The following CADPS2 variants were observed in gnomAD, a reference collection of about 807,000 sequenced individuals.
CADPS2 encodes the protein calcium-dependent secretion activator 2.
Under a neutral mutation model 172.5 loss-of-function variants are expected in CADPS2, and 93 were observed. The observed-to-expected ratio is 0.54, with a 90% confidence interval of 0.46 to 0.64. The LOEUF (loss-of-function observed/expected upper bound fraction) is 0.64, where lower values mean the gene tolerates loss of function less well. Ranked by LOEUF, CADPS2 falls within the 30% of genes least tolerant of loss-of-function variation. CADPS2 has a pLI of 0.00. For missense variants in CADPS2, 1,420 were observed against 1,565.9 expected, an observed-to-expected ratio of 0.91 and a Z score of 1.57; for synonymous variants, 546 against 555.2, an observed-to-expected ratio of 0.98 and a Z score of 0.23.
chr7:122,572,463 A>G (rs1287841065), intron 7 of CADPS2, among the ~76,000 whole-genome samples: 2 of 152,276 alleles, frequency 1.3e-5, no homozygotes, highest in East Asian at 3.9e-4. Context: ...TTAATGGACA[A>G]TAGGTTCCTT....
chr7:122,546,092 T>C (rs1449238813), intron 8 of CADPS2, among the ~76,000 whole-genome samples: 10 of 152,168 alleles, frequency 6.6e-5, no homozygotes, highest in Non-Finnish European at 1.5e-4. Context: ...TACTTAGAAA[T>C]ATAATGTTTG....
chr7:122,339,931 A>T (rs1241373301), intron 28 of CADPS2, among the ~76,000 whole-genome samples: 1 of 152,208 alleles, frequency 6.6e-6, no homozygotes, highest in African/African-American at 2.4e-5. Flanking sequence ...AAAATTTGGG[A>T]GTCCAGAGGC....
At chr7:122,432,609 C>T (rs1199271416) in intron 17 of CADPS2, among the ~76,000 whole-genome samples, 1 of 148,202 alleles carries the variant, frequency 6.7e-6, no homozygotes, top group Non-Finnish European at 1.5e-5. Flanking sequence ...CCAGTGCACT[C>T]CAGCCTGGGC....
At chr7:122,541,629 TTTCATATA>T (rs1303272634) in intron 8 of CADPS2, among the ~76,000 whole-genome samples, 3 of 146,092 alleles carry the variant, frequency 2.1e-5, no homozygotes, top group African/African-American at 4.9e-5. Flanking sequence ...CCATATATAT[TTTCATATA>T]TTCATATATA....
At chr7:122,596,832 G>A (rs1253122206) in intron 6 of CADPS2, among the ~76,000 whole-genome samples, 1 of 152,026 alleles carries the variant, frequency 6.6e-6, no homozygotes, top group Non-Finnish European at 1.5e-5. Flanking sequence ...AAAACCCACT[G>A]TGTGTTGCTA....
chr7:122,351,199 T>C lies in CADPS2; in HGVS notation c.3505-5518A>G, dbSNP rs542375469. ...GGCTAACACGGTGTGTTACTAAACA[T>C]CGTCTCTACTAAAAATACAAAAAAT... On this transcript the variant is annotated intron_variant, in intron 27 of 29. Transcript: ENST00000449022. Among the ~76,000 whole-genome samples the C allele has an allele frequency of 1.7e-4, 25 of 150,386 alleles. No individual in the cohort carries two copies. In the South Asian group the frequency reaches 4.8e-3, roughly 29 times the overall value.
intron 11 of CADPS2, among the ~76,000 whole-genome samples, chr7:122,489,771 A>C (rs1026730358): frequency 6.6e-6 from 1 of 152,146 alleles, no homozygotes; most frequent in African/African-American, 2.4e-5. Flanking sequence ...AGGAGACTTA[A>C]GTCAAAAATC....
At chr7:122,498,824 TTATG>T (rs2058967892) in intron 9 of CADPS2, among the ~76,000 whole-genome samples, 1 of 152,166 alleles carries the variant, frequency 6.6e-6, no homozygotes, top group Non-Finnish European at 1.5e-5. Flanking sequence ...ATTTTATAAT[TTATG>T]TATGTGAGAG....
rs146560327 is a variant in CADPS2, at chr7:122,494,312, A to G, written c.1543-2892T>C. Among the ~76,000 whole-genome samples, 15 of 152,304 alleles carry G rather than the reference A, an allele frequency of 9.8e-5. No individual in the cohort carries two copies. In the East Asian group the frequency reaches 2.5e-3, roughly 25 times the overall value. On this transcript the variant is annotated intron_variant, in intron 9 of 29. Transcript: ENST00000449022. Reference sequence around the variant, plus strand: ...CTAGCAAGGAACGTATCTCAAGGAAACAAATGGAGAAGTACTCAAAGATGT... The same window carrying G: ...CTAGCAAGGAACGTATCTCAAGGAAGCAAATGGAGAAGTACTCAAAGATGT...
At chr7:122,625,350 CAATT>C (rs1219441503) in intron 4 of CADPS2, among the ~76,000 whole-genome samples, 3 of 152,114 alleles carry the variant, frequency 2.0e-5, no homozygotes, top group Non-Finnish European at 4.4e-5. Context: ...GCATCTAGCC[CAATT>C]AATTTTGTTT....
At chr7:122,687,862 TAATA>T (rs2083837098) in intron 2 of CADPS2, among the ~76,000 whole-genome samples, 1 of 152,242 alleles carries the variant, frequency 6.6e-6, no homozygotes, top group Non-Finnish European at 1.5e-5. Flanking sequence ...ATTATTTTGT[TAATA>T]AATCACAAGT....
chr7:122,807,757 A>G (rs1375321568), intron 1 of CADPS2, among the ~76,000 whole-genome samples: 1 of 152,062 alleles, frequency 6.6e-6, no homozygotes, highest in African/African-American at 2.4e-5. Flanking sequence ...CTGTGTGCAC[A>G]TACAATCTTG....
chr7:122,525,508 G>A (rs1381796640), intron 8 of CADPS2, among the ~76,000 whole-genome samples: 2 of 152,106 alleles, frequency 1.3e-5, no homozygotes, highest in South Asian at 4.1e-4. Flanking sequence ...TGGAGGAACT[G>A]AGCAGTAAGA....
At position 122,819,001 on chromosome 7, in the gene CADPS2, A is replaced by G. The variant is rs1225041596; in HGVS notation, c.339+66998T>C. ...AATAAAACTCCAAAAATTAAATTCC[A>G]GCCCTCAAACCCCACAACAGGATTT... On this transcript the variant is annotated intron_variant, in intron 1 of 29. Coordinates refer to ENST00000449022, the MANE Select transcript of CADPS2 (RefSeq NM_017954.11). 5.9e-5 allele frequency among the ~76,000 whole-genome samples: 9 copies of G among 152,174 alleles called. No homozygotes were observed. In the South Asian group the frequency reaches 8.3e-4, roughly 14 times the overall value.
intron 1 of CADPS2, among the ~76,000 whole-genome samples, chr7:122,797,663 AGAGGGG>A (rs1796683815): frequency 6.9e-6 from 1 of 145,890 alleles, no homozygotes; most frequent in Admixed American, 6.9e-5. Flanking sequence ...ATGGACACCT[AGAGGGG>A]AATGATGGAC....
chr7:122,688,969 TTTGATATATAGGC>T, intron 2 of CADPS2, among the ~76,000 whole-genome samples: 1 of 152,186 alleles, frequency 6.6e-6, no homozygotes, highest in South Asian at 2.1e-4. Context: ...GGTACATAGG[TTTGATATATAGGC>T]TTGGCACACA....
intron 1 of CADPS2, among the ~76,000 whole-genome samples, chr7:122,854,309 T>C (rs950871026): frequency 6.6e-6 from 1 of 152,032 alleles, no homozygotes; most frequent in Non-Finnish European, 1.5e-5. Flanking sequence ...AGGTTGAGGC[T>C]GTAGTGAGCC....
At chr7:122,745,686 A>G (rs1261232775) in intron 1 of CADPS2, among the ~76,000 whole-genome samples, 1 of 151,194 alleles carries the variant, frequency 6.6e-6, no homozygotes, top group Non-Finnish European at 1.5e-5. Flanking sequence ...TTTTTAAAGA[A>G]TGAATAAATG....
chr7:122,435,892 C>G (rs911557302), intron 17 of CADPS2, among the ~76,000 whole-genome samples: 1 of 151,840 alleles, frequency 6.6e-6, no homozygotes, highest in African/African-American at 2.4e-5. Flanking sequence ...ACACATGATA[C>G]CACTTATATG....
Sources: allele counts gnomAD v4.1 joint callset (sites outside exome capture counted in the v4.1 genomes callset), GRCh38; gene constraint gnomAD v4.1.1; transcripts MANE v1.5; gene names NCBI Gene and HGNC (gene_info 2026-07-23, HGNC 2026-07-21).